The following VPS26C variants were observed in gnomAD, a reference collection of about 807,000 sequenced individuals.
VPS26C encodes vacuolar protein sorting-associated protein 26C.
In VPS26C, 19 loss-of-function variants were observed where a neutral mutation model predicts 30.6. The ratio of observed to expected loss-of-function variants is 0.62; its 90% CI spans 0.43 to 0.91. VPS26C has a LOEUF of 0.91. Among genes scored for constraint, VPS26C ranks in the 40% least tolerant of loss-of-function variants. The probability of loss-of-function intolerance (pLI) is 0.00; values close to 1 mark genes in which losing one functional copy is unlikely to be tolerated. For synonymous variants in VPS26C, 132 were observed against 151.5 expected, an observed-to-expected ratio of 0.87 and a Z score of 0.95; for missense variants, 318 against 385.1, an observed-to-expected ratio of 0.83 and a Z score of 1.46.
intron 1 of VPS26C, among the ~76,000 whole-genome samples, chr21:37,241,984 T>G (rs181001282): frequency 3.5e-4 from 54 of 152,332 alleles, no homozygotes; most frequent in Non-Finnish European, 5.9e-4. Context: ...GCAAGAAATA[T>G]TCTATGTCCC....
intron 1 of VPS26C, among the ~76,000 whole-genome samples, chr21:37,256,095 C>G (rs2086240632): frequency 6.6e-6 from 1 of 152,172 alleles, no homozygotes; most frequent in East Asian, 1.9e-4. Flanking sequence ...CTCGGCCTCC[C>G]AAAGTGCTGG....
chr21:37,224,482 T>A lies in VPS26C; in HGVS notation c.*1062A>T, dbSNP rs1385157544. ...AGGTTGAGGCTGCCGTGAGCTGTGATCCTGCCAGTGCACTCAGCCTGCGTG... is the reference window on the plus strand; with the variant it reads ...AGGTTGAGGCTGCCGTGAGCTGTGAACCTGCCAGTGCACTCAGCCTGCGTG... On this transcript the variant is annotated 3_prime_UTR_variant, in exon 8 of 8. Coordinates refer to ENST00000309117, the MANE Select transcript of VPS26C (RefSeq NM_006052.2). The A allele has an allele frequency of 2.6e-5, 4 of 152,220 alleles. No homozygotes were observed. The highest frequency in any genetic ancestry group is 2.6e-4 in the Admixed American group (4 of 15,278). 9.4% of individuals were successfully genotyped at this position (152,220 alleles called of 1,614,324 possible).
At chr21:37,267,137 G>T in intron 1 of VPS26C, 101 bp downstream of exon 1, 1 of 1,112,390 alleles carries the variant, frequency 9.0e-7, no homozygotes, top group Non-Finnish European at 1.3e-6. Context: ...GGACAGCCCT[G>T]CCCCGCCTAG....
upstream of VPS26C, chr21:37,267,428 C>T: frequency 1.3e-6 from 1 of 742,786 alleles, no homozygotes; most frequent in Non-Finnish European, 2.3e-6. Context: ...CTCGCAGCGG[C>T]GTCGCACACA....
In VPS26C at chr21:37,228,326, T is replaced by G. The variant is rs1555929265; in HGVS notation, c.555A>C (p.Thr185=). ...KFLLRGHLNS[T]NCVITQPLTG... ...TTAGTGGCTGCGTGATGACACAGTT[T>G]GTTGAGTTGAGATGTCCTCGAAGGA... The change falls in exon 6 of 8, where the codon ACA becomes ACC. Residue 185 remains threonine, a synonymous_variant. Transcript: ENST00000309117. 1 of 1,614,212 alleles carries G rather than the reference T, an allele frequency of 6.2e-7. No individual in the cohort carries two copies. The highest frequency in any genetic ancestry group is 8.5e-7 in the Non-Finnish European group (1 of 1,180,046).
intron 2 of VPS26C, among the ~76,000 whole-genome samples, chr21:37,239,015 A>C (rs890518182): frequency 6.6e-6 from 1 of 151,950 alleles, no homozygotes; most frequent in Non-Finnish European, 1.5e-5. Context: ...TCTTCTGGGC[A>C]GCGCTGCCTC....
At chr21:37,267,941 CA>C (rs1014934517), upstream of VPS26C, 4 of 152,862 alleles carry the variant, frequency 2.6e-5, no homozygotes, top group African/African-American at 9.6e-5. Flanking sequence ...CGGTCACCCT[CA>C]GGGGTGCGGC....
intron 1 of VPS26C, among the ~76,000 whole-genome samples, chr21:37,244,306 C>T (rs1473963076): frequency 3.3e-5 from 5 of 152,356 alleles, no homozygotes; most frequent in African/African-American, 7.2e-5. Flanking sequence ...TGGAGTGCAG[C>T]GGCACGCTGC....
chr21:37,235,851 G>GTATATATATA (rs146084592), intron 3 of VPS26C, among the ~76,000 whole-genome samples: 17 of 55,118 alleles, frequency 3.1e-4, no homozygotes, highest in Admixed American at 4.6e-4. Flanking sequence ...ATATGTGTGT[G>GTATATATATA]TATATATATA....
chr21:37,234,134 T>G (rs2085995487), intron 3 of VPS26C, among the ~76,000 whole-genome samples: 1 of 152,196 alleles, frequency 6.6e-6, no homozygotes, highest in Non-Finnish European at 1.5e-5. Flanking sequence ...TCAGGGAACT[T>G]CTAGTTTACT....
chr21:37,228,204 C>T lies in VPS26C; in HGVS notation c.658+19G>A. 1 of 1,607,098 alleles carries T rather than the reference C, an allele frequency of 6.2e-7. No individual in the cohort carries two copies. Among genetic ancestry groups the T allele is most frequent in the Non-Finnish European group, 8.5e-7 (1 of 1,179,370 alleles). ...CGAGGGGGACAGGCAAGCGCCAGGC[C>T]TGGTGGCACGGCCCTCACCGCACGT... On this transcript the variant is annotated intron_variant, in intron 6 of 7. Transcript: ENST00000309117.
At chr21:37,267,453 G>A, upstream of VPS26C, 1 of 496,872 alleles carries the variant, frequency 2.0e-6, no homozygotes, top group Admixed American at 5.1e-5. Context: ...CTAGCTCCGA[G>A]GGGCGAATGC....
intron 7 of VPS26C, 141 bp from the exon 8 acceptor site, chr21:37,225,767 C>A: frequency 3.0e-6 from 2 of 659,496 alleles, no homozygotes; most frequent in Non-Finnish European, 2.7e-6. Flanking sequence ...CCCCTCAGCG[C>A]CACCCTGACC....
chr21:37,267,162 C>T (rs372120868), intron 1 of VPS26C, 76 bp downstream of exon 1: 4 of 1,293,244 alleles, frequency 3.1e-6, no homozygotes, highest in Non-Finnish European at 4.4e-6. Flanking sequence ...GCGGGACGTG[C>T]GCAGAGCGAT....
Position 37,267,219 on chromosome 21 carries a change from AC to A in VPS26C, c.57+18del. ...CCCGCCCAACCCCACCTCCATCCCC[AC>A]CCCCAGCCCCCACTTACCCCGGCGT... On this transcript the variant is annotated intron_variant, in intron 1 of 7. Transcript: ENST00000309117. 8.9e-6 allele frequency: 2 copies of A among 225,510 alleles called. No individual in the cohort carries two copies. The highest frequency in any genetic ancestry group is 1.7e-5 in the Non-Finnish European group (2 of 121,160). 14.0% of individuals were successfully genotyped at this position (225,510 alleles called of 1,614,324 possible).
Position 37,227,822 on chromosome 21 carries a change from C to G in VPS26C, c.659-16G>C, listed in dbSNP as rs1420548921. ...TCTGCACACCCTGCGGGAGGGAGGC[C>G]ACATCACGCGGTCAGGGCCAGCAGA... On this transcript the variant is annotated splice_polypyrimidine_tract_variant and intron_variant, in intron 6 of 7. Transcript: ENST00000309117. The G allele has an allele frequency of 8.7e-6, 14 of 1,605,202 alleles. No homozygotes were observed. Among genetic ancestry groups the G allele is most frequent in the Non-Finnish European group, 1.2e-5 (14 of 1,178,286 alleles).
At chr21:37,267,208 C>A in intron 1 of VPS26C, 30 bp downstream of exon 1, 1 of 1,000,714 alleles carries the variant, frequency 1.0e-6, no homozygotes, top group Non-Finnish European at 1.6e-6. Context: ...CCCAACCCCA[C>A]CTCCATCCCC....
chr21:37,266,950 G>A (rs2086369552), intron 1 of VPS26C: 3 of 381,952 alleles, frequency 7.9e-6, no homozygotes, highest in East Asian at 4.7e-5. Flanking sequence ...GGTGTTCAAG[G>A]GGCCAGATGG....
intron 1 of VPS26C, among the ~76,000 whole-genome samples, chr21:37,265,479 A>T (rs370372917): frequency 6.6e-6 from 1 of 152,208 alleles, no homozygotes; most frequent in Non-Finnish European, 1.5e-5. Context: ...TATTCTACAT[A>T]ACCAAAATAT....
Sources: allele counts gnomAD v4.1 joint callset (sites outside exome capture counted in the v4.1 genomes callset), GRCh38; gene constraint gnomAD v4.1.1; transcripts MANE v1.5; gene names NCBI Gene and HGNC (gene_info 2026-07-23, HGNC 2026-07-21).